PIAS1: variants seen among roughly 807,000 people sequenced by gnomAD.
PIAS1 encodes protein inhibitor of activated STAT 1.
PIAS1 carries 6 observed loss-of-function variants against 71.3 expected under a neutral mutation model. That is an observed-to-expected ratio of 0.08 (90% CI 0.05 to 0.17). PIAS1 has a LOEUF of 0.17. Ranked by LOEUF, PIAS1 falls within the 10% of genes least tolerant of loss-of-function variation. The pLI, the probability that PIAS1 is intolerant of heterozygous loss-of-function variation, is 1.00. For missense variants in PIAS1, 555 were observed against 793.6 expected, an observed-to-expected ratio of 0.70 and a Z score of 3.61; for synonymous variants, 303 against 292.9, an observed-to-expected ratio of 1.03 and a Z score of -0.35.
At chr15:68,085,786 T>C (rs183509815) in intron 1 of PIAS1, among the ~76,000 whole-genome samples, 2 of 152,350 alleles carry the variant, frequency 1.3e-5, no homozygotes, top group African/African-American at 4.8e-5. Context: ...AACTTAAGTC[T>C]ACAAATTCCA....
rs7175954 is a variant in PIAS1 at position 68,117,236 on chromosome 15, C to T, written c.470-24710C>T. ...CCGAGTAGCTGGGACTACAGGTGTGCGCCACCACACCTGGCTAATTTGTAT... is the reference window on the plus strand; with the variant it reads ...CCGAGTAGCTGGGACTACAGGTGTGTGCCACCACACCTGGCTAATTTGTAT... On this transcript the variant is annotated intron_variant, in intron 2 of 13. Transcript: ENST00000249636. Among the ~76,000 whole-genome samples, 384 of 152,026 alleles carry T rather than the reference C, an allele frequency of 2.5e-3. 1 individual carries two copies. The highest frequency in any genetic ancestry group is 8.8e-3 in the African/African-American group (364 of 41,484).
Position 68,126,997 on chromosome 15 carries a change from T to C in PIAS1, c.470-14949T>C, listed in dbSNP as rs116926853. Among the ~76,000 whole-genome samples the C allele has an allele frequency of 7.7e-3, 1,165 of 152,126 alleles. 6 individuals carry two copies. Among genetic ancestry groups the C allele is most frequent in the East Asian group, 0.035 (181 of 5,152 alleles). On this transcript the variant is annotated intron_variant, in intron 2 of 13. Transcript: ENST00000249636. ...TCACCCAATCTGGAGTGCAGTGGCATGATTTCAGCTCACTGCAACCTCTCC... is the reference window on the plus strand; with the variant it reads ...TCACCCAATCTGGAGTGCAGTGGCACGATTTCAGCTCACTGCAACCTCTCC...
chr15:68,159,376 A>G (rs191380263), intron 7 of PIAS1, among the ~76,000 whole-genome samples: 9 of 152,256 alleles, frequency 5.9e-5, no homozygotes, highest in Admixed American at 3.9e-4. Context: ...AGTATAACTT[A>G]TAGGCAATAA....
intron 1 of PIAS1, among the ~76,000 whole-genome samples, chr15:68,064,564 G>C (rs971249382): frequency 6.6e-6 from 1 of 152,214 alleles, no homozygotes; most frequent in African/African-American, 2.4e-5. Flanking sequence ...CATTGATACG[G>C]TTTCAGATTC....
rs2091891919 is a variant in PIAS1 at position 68,055,976 on chromosome 15, A to G, written c.24+1626A>G. 5.8e-6 allele frequency: 4 copies of G among 694,810 alleles called. No individual in the cohort carries two copies. In the East Asian group the frequency reaches 1.1e-4, roughly 19 times the overall value. 43.0% of individuals were successfully genotyped at this position (694,810 alleles called of 1,614,324 possible). On this transcript the variant is annotated intron_variant, in intron 1 of 13. Transcript: ENST00000249636. ...CTAATTACAAATTTACTGAAGGGAG[A>G]GCAGATTTACAATGGATGGTTTTGA...
rs1186323686 is a variant in PIAS1, at chr15:68,054,575, A to G, written c.24+225A>G. 2.4e-6 allele frequency: 1 copy of G among 414,658 alleles called. No individual in the cohort carries two copies. Among genetic ancestry groups the G allele is most frequent in the Non-Finnish European group, 4.3e-6 (1 of 231,130 alleles). The allele number at this position is 414,658 out of a possible 1,614,324, so 25.7% of individuals were successfully genotyped here. A position where few individuals can be genotyped will look rare whatever the true frequency, so the allele number is the denominator to read the frequency against. On this transcript the variant is annotated intron_variant, in intron 1 of 13. Transcript: ENST00000249636. This position sits in a 1 kb window ranked among gnomAD's most constrained non-coding sequence, Gnocchi z 4.6. Reference sequence around the variant, plus strand: ...GCTGACGGGTCGTCCCCGGCGTGTTATTGTTGTGGGCGCCTCTGGCGGGGG... The same window carrying G: ...GCTGACGGGTCGTCCCCGGCGTGTTGTTGTTGTGGGCGCCTCTGGCGGGGG...
At chr15:68,082,939 A>T (rs957258519) in intron 1 of PIAS1, among the ~76,000 whole-genome samples, 2 of 152,058 alleles carry the variant, frequency 1.3e-5, no homozygotes, top group Admixed American at 1.3e-4. Context: ...AGATTATGAA[A>T]ATTAGTTTTA....
intron 2 of PIAS1, among the ~76,000 whole-genome samples, chr15:68,121,948 C>T (rs564512781): frequency 9.2e-5 from 14 of 151,966 alleles, no homozygotes; most frequent in African/African-American, 3.1e-4. Flanking sequence ...GGTGATATGG[C>T]GAAACTCTGT....
intron 2 of PIAS1, among the ~76,000 whole-genome samples, chr15:68,126,599 C>G (rs149210388): frequency 2.0e-5 from 3 of 152,136 alleles, no homozygotes. Flanking sequence ...TGTCCCACCA[C>G]GCCCAGCCAA....
At position 68,178,138 on chromosome 15, in the gene PIAS1, T is replaced by C. The variant is rs1019495681; in HGVS notation, c.1481+1484T>C. Reference sequence around the variant, plus strand: ...CCAAAAAATTAGCTGGGTATGGCACTGTGTGCCTGTTGTCCCAACTACTCG... The same window carrying C: ...CCAAAAAATTAGCTGGGTATGGCACCGTGTGCCTGTTGTCCCAACTACTCG... On this transcript the variant is annotated intron_variant, in intron 11 of 13. Transcript: ENST00000249636. This position sits in a 1 kb window ranked among gnomAD's most constrained non-coding sequence, Gnocchi z 4.2. Among the ~76,000 whole-genome samples the C allele has an allele frequency of 6.6e-6, 1 of 152,204 alleles. No individual in the cohort carries two copies. The highest frequency in any genetic ancestry group is 1.9e-4 in the East Asian group (1 of 5,188).
chr15:68,071,768 C>T (rs1479202445), intron 1 of PIAS1, among the ~76,000 whole-genome samples: 4 of 150,560 alleles, frequency 2.7e-5, no homozygotes, highest in Admixed American at 1.3e-4. Flanking sequence ...GAGTTTGAGA[C>T]CAGCCTGGCC....
intron 6 of PIAS1, among the ~76,000 whole-genome samples, chr15:68,149,782 T>G (rs941172004): frequency 2.0e-5 from 3 of 152,152 alleles, no homozygotes; most frequent in Non-Finnish European, 4.4e-5. Flanking sequence ...AGTTTTGAGT[T>G]TTAGGTATGT....
At chr15:68,088,176 G>GTATATATATATATATATATA (rs71455574) in intron 2 of PIAS1, among the ~76,000 whole-genome samples, 3,445 of 71,956 alleles carry the variant, frequency 0.048, 293 homozygotes, top group East Asian at 0.067. Context: ...TTATGTGTGT[G>GTATATATATATATATATATA]TATATATATA....
chr15:68,058,652 C>T (rs1375314178), intron 1 of PIAS1, among the ~76,000 whole-genome samples: 1 of 152,132 alleles, frequency 6.6e-6, no homozygotes, highest in African/African-American at 2.4e-5. Context: ...TGCAAGCTTC[C>T]TTGCAAAAAG....
At chr15:68,146,225 A>G (rs1428296133) in intron 5 of PIAS1, among the ~76,000 whole-genome samples, 2 of 152,276 alleles carry the variant, frequency 1.3e-5, no homozygotes, top group African/African-American at 2.4e-5. Flanking sequence ...GAAGAATGCT[A>G]TGTCTTAAAC....
chr15:68,145,497 A>G (rs1339323957), intron 4 of PIAS1, among the ~76,000 whole-genome samples: 4 of 152,172 alleles, frequency 2.6e-5, no homozygotes, highest in Non-Finnish European at 5.9e-5. Flanking sequence ...TTATTTGACT[A>G]ACGAGTCTTT....
intron 2 of PIAS1, among the ~76,000 whole-genome samples, chr15:68,091,200 A>T (rs559352778): frequency 1.3e-5 from 2 of 152,198 alleles, no homozygotes; most frequent in African/African-American, 2.4e-5. Flanking sequence ...ATAATTTTGG[A>T]TTAAAATATC....
rs770069635 is a variant in PIAS1, at chr15:68,059,709, CAAAAAAA to C, written c.24+5374_24+5380del. 1.3e-3 allele frequency among the ~76,000 whole-genome samples: 99 copies of C among 76,504 alleles called. No individual in the cohort carries two copies. The South Asian group carries it at 0.013, about 10-fold the overall frequency. 50.2% of individuals were successfully genotyped at this position (76,504 alleles called of 152,430 possible). A position where few individuals can be genotyped will look rare whatever the true frequency, so the allele number is the denominator to read the frequency against. On this transcript the variant is annotated intron_variant, in intron 1 of 13. Transcript: ENST00000249636. ...CTACAGTGTGAGATTCCGTCTCAAA[CAAAAAAA>C]AAAAAAAAAAAAAAGAAAGCAATAC...
intron 10 of PIAS1, 86 bp from the exon 11 acceptor site, chr15:68,176,388 C>G (rs1226398463): frequency 1.2e-6 from 1 of 825,850 alleles, no homozygotes; most frequent in Admixed American, 2.9e-5. Flanking sequence ...TGAATCTAAA[C>G]TGTAACTGAT....
Sources: allele counts gnomAD v4.1 joint callset (sites outside exome capture counted in the v4.1 genomes callset), GRCh38; gene constraint gnomAD v4.1.1; non-coding constraint Gnocchi (gnomAD v3.1); transcripts MANE v1.5; gene names NCBI Gene and HGNC (gene_info 2026-07-23, HGNC 2026-07-21).